The following NRXN3 variants were observed in gnomAD, a reference collection of about 807,000 sequenced individuals.
NRXN3 encodes neurexin III.
Under a neutral mutation model 137.6 loss-of-function variants are expected in NRXN3, and 32 were observed. The observed-to-expected ratio is 0.23, with a 90% CI of 0.18 to 0.31. The LOEUF (loss-of-function observed/expected upper bound fraction) is 0.31. Among genes scored for constraint, NRXN3 ranks in the 10% least tolerant of loss-of-function variants. The pLI is 1.00. For synonymous variants in NRXN3, 798 were observed against 784.5 expected (o/e 1.02, Z -0.29); for missense variants, 1,574 against 2,062.5 (o/e 0.76, Z 4.59).
chr14:78,633,693 C>T (rs529984313), intron 4 of NRXN3, among the ~76,000 whole-genome samples: 10 of 152,352 alleles, frequency 6.6e-5, no homozygotes, highest in African/African-American at 2.4e-4. Context: ...ATTTGCACCT[C>T]CGCATTGGCA....
intron 15 of NRXN3, among the ~76,000 whole-genome samples, chr14:79,164,922 C>T (rs1328912359): frequency 2.6e-5 from 4 of 151,890 alleles, no homozygotes; most frequent in Non-Finnish European, 5.9e-5. Context: ...AAATGGCAAA[C>T]TATGTATTAC....
At chr14:78,225,986 T>TTG (rs1447234364) in intron 1 of NRXN3, among the ~76,000 whole-genome samples, 3,563 of 120,714 alleles carry the variant, frequency 0.03, 57 homozygotes, top group South Asian at 0.055. Flanking sequence ...TGTGTGTGTG[T>TTG]GTGTGTGTGT....
At chr14:78,333,121 A>G (rs973671724) in intron 4 of NRXN3, among the ~76,000 whole-genome samples, 5 of 152,192 alleles carry the variant, frequency 3.3e-5, no homozygotes, top group African/African-American at 1.2e-4. Flanking sequence ...TTGTTGCTGG[A>G]GAGCATCCAA....
chr14:79,774,209 A>T (rs1484758424), intron 19 of NRXN3, among the ~76,000 whole-genome samples: 1 of 152,178 alleles, frequency 6.6e-6, no homozygotes, highest in African/African-American at 2.4e-5. Context: ...GATCTTTCCC[A>T]ATATTGACTG....
At chr14:79,626,487 C>T (rs540585413) in intron 16 of NRXN3, among the ~76,000 whole-genome samples, 189 of 152,000 alleles carry the variant, frequency 1.2e-3, no homozygotes, top group Middle Eastern at 6.8e-3. Context: ...TAAATTTTCT[C>T]CCCATGCTCA....
Position 79,590,416 on chromosome 14 carries a change from T to TAAAAAAAAAAAAAAAAAAAAA in NRXN3, c.3445-73360_3445-73340dup, listed in dbSNP as rs11419735. ...TCCATTAAACCTTTCTTTCTTTTGT[T>TAAAAAAAAAAAAAAAAAAAAA]AAAAAAAAAAAAAAAAAAAAAAGAT... On this transcript the variant is annotated intron_variant, in intron 16 of 20. Coordinates refer to ENST00000335750, the MANE Select transcript of NRXN3 (RefSeq NM_001330195.2). 3.7e-4 allele frequency among the ~76,000 whole-genome samples: 34 copies of TAAAAAAAAAAAAAAAAAAAAA among 92,260 alleles called. 1 individual carries two copies. The highest frequency in any genetic ancestry group is 2.1e-3 in the East Asian group (6 of 2,868). 60.5% of individuals were successfully genotyped at this position (92,260 alleles called of 152,430 possible).
At chr14:79,367,205 G>C (rs764804755) in intron 15 of NRXN3, among the ~76,000 whole-genome samples, 1 of 151,964 alleles carries the variant, frequency 6.6e-6, no homozygotes, top group Non-Finnish European at 1.5e-5. Context: ...GGATGGTCTC[G>C]ATCTCCTGAC....
At chr14:78,996,287 G>A (rs1183564389) in intron 15 of NRXN3, among the ~76,000 whole-genome samples, 3 of 152,070 alleles carry the variant, frequency 2.0e-5, no homozygotes, top group African/African-American at 4.8e-5. Context: ...AGATACTATT[G>A]TGATACCAGT....
intron 10 of NRXN3, among the ~76,000 whole-genome samples, chr14:78,870,933 T>C (rs943914837): frequency 6.6e-6 from 1 of 151,734 alleles, no homozygotes; most frequent in Non-Finnish European, 1.5e-5. Flanking sequence ...ATTTTGTATA[T>C]GTACTTTATT....
intron 15 of NRXN3, among the ~76,000 whole-genome samples, chr14:79,352,561 C>T (rs2093261081): frequency 6.6e-6 from 1 of 152,090 alleles, no homozygotes; most frequent in South Asian, 2.1e-4. Flanking sequence ...TAAAAGAATT[C>T]TACTCCCTTT....
At chr14:78,714,430 G>C (rs2152846582) in intron 7 of NRXN3, among the ~76,000 whole-genome samples, 1 of 152,272 alleles carries the variant, frequency 6.6e-6, no homozygotes, top group East Asian at 1.9e-4. Context: ...ATACATATTA[G>C]AGCTGGAATT....
At chr14:78,510,441 T>C (rs1413946145) in intron 4 of NRXN3, among the ~76,000 whole-genome samples, 2 of 152,174 alleles carry the variant, frequency 1.3e-5, no homozygotes, top group African/African-American at 2.4e-5. Context: ...AATTTTGTAT[T>C]GATTCTCGGA....
rs554968651 is a variant in NRXN3 at position 79,038,151 on chromosome 14, T to C, written c.3262+50010T>C. Among the ~76,000 whole-genome samples, 7 of 152,194 alleles carry C rather than the reference T, an allele frequency of 4.6e-5. No individual in the cohort carries two copies. In the East Asian group the frequency reaches 1.4e-3, roughly 29 times the overall value. ...GTTCTTTCACATAATATATTGAATG[T>C]CCATTGAATACAGGGAACATTACTT... On this transcript the variant is annotated intron_variant, in intron 15 of 20. Transcript: ENST00000335750.
At chr14:79,541,041 C>T (rs535222838) in intron 16 of NRXN3, among the ~76,000 whole-genome samples, 1 of 152,276 alleles carries the variant, frequency 6.6e-6, no homozygotes, top group African/African-American at 2.4e-5. Context: ...GTGGATGCAT[C>T]ACTCTGATCT....
At chr14:78,978,659 A>G (rs977491663) in intron 14 of NRXN3, among the ~76,000 whole-genome samples, 2 of 150,036 alleles carry the variant, frequency 1.3e-5, no homozygotes, top group Non-Finnish European at 3.0e-5. Context: ...TGTATTAGTT[A>G]GGGTTCTCCA....
chr14:78,773,719 AC>A (rs1277189423), intron 8 of NRXN3, among the ~76,000 whole-genome samples: 1 of 152,102 alleles, frequency 6.6e-6, no homozygotes, highest in Non-Finnish European at 1.5e-5. Flanking sequence ...AGCCTGAGAA[AC>A]TAAAACACAA....
At chr14:79,519,562 C>T (rs2097037789) in intron 16 of NRXN3, among the ~76,000 whole-genome samples, 1 of 152,018 alleles carries the variant, frequency 6.6e-6, no homozygotes, top group Admixed American at 6.6e-5. Context: ...CTAAGCATGG[C>T]TTTTCCTGTT....
At position 79,809,109 on chromosome 14, in the gene NRXN3, T is replaced by A. The variant is rs115942997; in HGVS notation, c.4093+3919T>A. 3.3e-3 allele frequency among the ~76,000 whole-genome samples: 502 copies of A among 152,310 alleles called. 2 individuals are homozygous for A. The highest frequency in any genetic ancestry group is 0.012 in the African/African-American group (486 of 41,572). ...AAAGTAAAAGCTCAATTAGGATTTG[T>A]CGACTAAATTAGTTTGAAACAGAAC... On this transcript the variant is annotated intron_variant, in intron 20 of 20. Coordinates refer to ENST00000335750, the MANE Select transcript of NRXN3 (RefSeq NM_001330195.2).
intron 15 of NRXN3, chr14:79,279,283 T>A (rs748927763): frequency 7.0e-5 from 65 of 922,266 alleles, no homozygotes; most frequent in Non-Finnish European, 8.4e-5. Flanking sequence ...AGCCAGCCAG[T>A]CCCTCGGCAG....
Sources: allele counts gnomAD v4.1 joint callset (sites outside exome capture counted in the v4.1 genomes callset), GRCh38; gene constraint gnomAD v4.1.1; transcripts MANE v1.5; gene names NCBI Gene and HGNC (gene_info 2026-07-23, HGNC 2026-07-21).